The following CIMAP3 variants were observed in gnomAD, a reference collection of about 807,000 sequenced individuals.
The protein encoded by CIMAP3 is ciliary microtubule associated protein 3.
At chr1:111,351,251 C>A in the CIMAP3 span, 2 of 1,520,260 alleles carry the variant, frequency 1.3e-6, no homozygotes. Flanking sequence ...AACGTTCTTT[C>A]ATTGCAGCTG....
chr1:111,334,926 G>A, the CIMAP3 span, among the ~76,000 whole-genome samples: 9 of 151,970 alleles, frequency 5.9e-5, no homozygotes, highest in African/African-American at 2.2e-4. Context: ...TCAGGAGTTT[G>A]AGACCAGCCT....
At chr1:111,331,658 T>G in the CIMAP3 span, among the ~76,000 whole-genome samples, 1 of 152,170 alleles carries the variant, frequency 6.6e-6, no homozygotes. Context: ...TTCCTTAATA[T>G]TATTATTTTA....
At chr1:111,343,653 A>T in the CIMAP3 span, among the ~76,000 whole-genome samples, 1 of 152,240 alleles carries the variant, frequency 6.6e-6, no homozygotes, top group African/African-American at 2.4e-5. Context: ...CATTACACAG[A>T]TGGTTATACA....
the CIMAP3 span, among the ~76,000 whole-genome samples, chr1:111,326,631 A>G: frequency 6.6e-6 from 1 of 152,148 alleles, no homozygotes; most frequent in South Asian, 2.1e-4. Flanking sequence ...GCTAGATCAT[A>G]TGGTAGTTCT....
the CIMAP3 span, among the ~76,000 whole-genome samples, chr1:111,345,830 T>C: frequency 6.6e-6 from 1 of 152,184 alleles, no homozygotes; most frequent in South Asian, 2.1e-4. Flanking sequence ...ACTCTGATCT[T>C]TTTTTCTTCG....
chr1:111,329,263 C>G, the CIMAP3 span, among the ~76,000 whole-genome samples: 2 of 152,020 alleles, frequency 1.3e-5, no homozygotes, highest in Non-Finnish European at 2.9e-5. Context: ...ACCTTTCTCT[C>G]TAGCTGCTTT....
chr1:111,339,778 G>A, the CIMAP3 span, among the ~76,000 whole-genome samples: 1 of 151,744 alleles, frequency 6.6e-6, no homozygotes, highest in African/African-American at 2.4e-5. Flanking sequence ...TGGCCATACT[G>A]CCCAAGGTAA....
the CIMAP3 span, among the ~76,000 whole-genome samples, chr1:111,341,484 G>A: frequency 6.6e-6 from 1 of 152,174 alleles, no homozygotes; most frequent in African/African-American, 2.4e-5. Context: ...GTGGGCCTGG[G>A]ATCATACGGG....
the CIMAP3 span, among the ~76,000 whole-genome samples, chr1:111,343,705 C>T: frequency 4.6e-5 from 7 of 152,272 alleles, no homozygotes; most frequent in South Asian, 2.1e-4. Context: ...TTTGACTATA[C>T]GATGTTCGGT....
chr1:111,345,638 G>C, the CIMAP3 span, among the ~76,000 whole-genome samples: 1 of 152,180 alleles, frequency 6.6e-6, no homozygotes, highest in Non-Finnish European at 1.5e-5. Flanking sequence ...CCTGAAGGCT[G>C]TCCTAACGCG....
chr1:111,341,586 T>C, the CIMAP3 span, among the ~76,000 whole-genome samples: 2 of 152,264 alleles, frequency 1.3e-5, no homozygotes, highest in East Asian at 3.9e-4. Context: ...ATGGGGGAGA[T>C]AACAATTTTT....
At chr1:111,342,455 G>A in the CIMAP3 span, among the ~76,000 whole-genome samples, 1 of 152,170 alleles carries the variant, frequency 6.6e-6, no homozygotes, top group Non-Finnish European at 1.5e-5. Context: ...ACCCCTTGTT[G>A]AGATATCCCT....
chr1:111,343,396 A>C, the CIMAP3 span, among the ~76,000 whole-genome samples: 2 of 152,206 alleles, frequency 1.3e-5, no homozygotes, highest in Admixed American at 6.5e-5. Flanking sequence ...AAAGCCATTA[A>C]CTGTCTCATA....
chr1:111,333,501 G>C, the CIMAP3 span, among the ~76,000 whole-genome samples: 3 of 152,198 alleles, frequency 2.0e-5, no homozygotes, highest in Admixed American at 6.5e-5. Context: ...TGATTTCCCA[G>C]CACATCTCCA....
chr1:111,347,638 G>GTTTTT, the CIMAP3 span: 1 of 818,778 alleles, frequency 1.2e-6, no homozygotes, highest in Non-Finnish European at 1.7e-6. Context: ...TTTTTTTTTT[G>GTTTTT]GTGTTTTTGT....
chr1:111,330,893 G>A, the CIMAP3 span, among the ~76,000 whole-genome samples: 1 of 152,220 alleles, frequency 6.6e-6, no homozygotes, highest in Non-Finnish European at 1.5e-5. Context: ...CAGTTGTGGG[G>A]ACCCATGGGA....
chr1:111,340,902 G>T, the CIMAP3 span, among the ~76,000 whole-genome samples: 1 of 152,118 alleles, frequency 6.6e-6, no homozygotes, highest in African/African-American at 2.4e-5. Flanking sequence ...AAAGACACAT[G>T]AACACGTATG....
chr1:111,345,891 A>G, the CIMAP3 span, among the ~76,000 whole-genome samples: 4 of 152,142 alleles, frequency 2.6e-5, no homozygotes, highest in African/African-American at 9.7e-5. Flanking sequence ...CCCACCAAGT[A>G]CCACGTTCTG....
the CIMAP3 span, among the ~76,000 whole-genome samples, chr1:111,328,152 A>G: frequency 1.3e-5 from 2 of 152,108 alleles, no homozygotes; most frequent in East Asian, 3.9e-4. Context: ...ATGTAATTGT[A>G]TAGTTTTGAG....
Sources: gnomAD v4.1 joint callset for allele counts (sites outside exome capture counted in the v4.1 genomes callset) on GRCh38, gnomAD v4.1.1 for gene constraint, MANE v1.5 for transcripts, NCBI Gene and HGNC (gene_info 2026-07-23, HGNC 2026-07-21) for gene names.